Variants in PI4KA observed in about 807,000 individuals in gnomAD.
PI4KA encodes PI4-kinase alpha.
Under a neutral mutation model 271.4 loss-of-function variants are expected in PI4KA, and 122 were observed. The ratio of observed to expected loss-of-function variants is 0.45; its 90% CI spans 0.39 to 0.52. PI4KA has a LOEUF of 0.52. Among genes scored for constraint, PI4KA ranks in the 20% least tolerant of loss-of-function variants. The probability of loss-of-function intolerance (pLI) is 0.00; values close to 1 mark genes in which losing one functional copy is unlikely to be tolerated. For synonymous variants in PI4KA, 1,041 were observed against 1,078.8 expected (o/e 0.96, Z 0.69); for missense variants, 1,969 against 2,769.1 (o/e 0.71, Z 6.48).
chr22:20,799,808 C>A, intron 14 of PI4KA, 42 bp from the exon 15 acceptor site: 1 of 1,265,588 alleles, frequency 7.9e-7, no homozygotes, highest in South Asian at 1.4e-5. Context: ...GGCATCAAAC[C>A]AAGATAGGTT....
chr22:20,850,392 C>T (rs184079405), intron 1 of PI4KA, among the ~76,000 whole-genome samples: 200 of 151,844 alleles, frequency 1.3e-3, no homozygotes, highest in Admixed American at 3.0e-3. Context: ...ACTGTGGTGG[C>T]GCATGCTAAA....
chr22:20,842,075 G>A (rs945715612), intron 1 of PI4KA, among the ~76,000 whole-genome samples: 3 of 152,044 alleles, frequency 2.0e-5, no homozygotes, highest in African/African-American at 7.2e-5. Flanking sequence ...AATTAGCCGG[G>A]CATGGTGGCA....
intron 19 of PI4KA, chr22:20,779,435 G>C: frequency 6.2e-7 from 1 of 1,614,232 alleles, no homozygotes; most frequent in Non-Finnish European, 8.5e-7. Flanking sequence ...CAGATCCCCA[G>C]TGGGAGCAGT....
At position 20,858,786 on chromosome 22, in the gene PI4KA, C is replaced by A; in HGVS notation, c.-61G>T. On this transcript the variant is annotated 5_prime_UTR_variant, in exon 1 of 55. In the 5' UTR this introduces an upstream ATG that the reference lacks. Transcript: ENST00000255882. ...CGCTCCTGGCCCGCGAGCGCCCGAC[C>A]TCAGGGCGCAGGCGTAGGTGCATCC... 1.5e-6 allele frequency: 2 copies of A among 1,368,214 alleles called. No homozygotes were observed. The highest frequency in any genetic ancestry group is 3.0e-5 in the Admixed American group (1 of 33,104). The allele number at this position is 1,368,214 out of a possible 1,614,324, so 84.8% of individuals were successfully genotyped here. A position where few individuals can be genotyped will look rare whatever the true frequency, so the allele number is the denominator to read the frequency against.
At chr22:20,754,362 A>G (rs1931044823) in intron 23 of PI4KA, among the ~76,000 whole-genome samples, 1 of 152,230 alleles carries the variant, frequency 6.6e-6, no homozygotes, top group South Asian at 2.1e-4. Flanking sequence ...TGCTAGGATT[A>G]CAGGCGTGAG....
chr22:20,762,943 G>A (rs533597001), intron 22 of PI4KA, among the ~76,000 whole-genome samples: 8 of 144,224 alleles, frequency 5.5e-5, no homozygotes, highest in African/African-American at 2.1e-4. Context: ...CAACCCCCTT[G>A]CCTCAGTCTC....
At chr22:20,748,981 ATTTCCTT>A in intron 28 of PI4KA, among the ~76,000 whole-genome samples, 1 of 152,138 alleles carries the variant, frequency 6.6e-6, no homozygotes, top group African/African-American at 2.4e-5. Context: ...TTCATTTTCC[ATTTCCTT>A]CTTAGGCCAG....
chr22:20,841,236 G>A (rs754836839), intron 1 of PI4KA, among the ~76,000 whole-genome samples: 1 of 152,148 alleles, frequency 6.6e-6, no homozygotes, highest in Non-Finnish European at 1.5e-5. Flanking sequence ...CTCAGGCCAG[G>A]TGCTCTGGGT....
chr22:20,814,765 A>T (rs193045000), intron 7 of PI4KA, among the ~76,000 whole-genome samples: 351 of 150,894 alleles, frequency 2.3e-3, no homozygotes, highest in African/African-American at 8.3e-3. Context: ...AAAAAATGAC[A>T]TAGCAAATTT....
intron 16 of PI4KA, 159 bp downstream of exon 16, chr22:20,798,934 C>T (rs1275032607): frequency 1.5e-6 from 1 of 655,634 alleles, no homozygotes; most frequent in African/African-American, 1.8e-5. Context: ...CCAGCACTCA[C>T]AGCATCTTAC....
chr22:20,743,270 C>T (rs1340204769), intron 30 of PI4KA, among the ~76,000 whole-genome samples: 7 of 152,040 alleles, frequency 4.6e-5, no homozygotes, highest in Non-Finnish European at 2.9e-5. Context: ...CTCAGCCTCC[C>T]AAGTAGCTGG....
chr22:20,800,879 A>C (rs1251324356), intron 14 of PI4KA, among the ~76,000 whole-genome samples: 1 of 146,138 alleles, frequency 6.8e-6, no homozygotes, highest in Non-Finnish European at 1.5e-5. Context: ...GTCTCAAAAA[A>C]AAAAAAGGAA....
intron 19 of PI4KA, 92 bp downstream of exon 19, chr22:20,793,101 C>G (rs1331814251): frequency 6.0e-6 from 5 of 829,492 alleles, no homozygotes; most frequent in Non-Finnish European, 8.4e-6. Flanking sequence ...AACACTGCAC[C>G]TTTCTAAGGA....
intron 3 of PI4KA, among the ~76,000 whole-genome samples, chr22:20,832,116 CTTT>C (rs1350841437): frequency 6.8e-5 from 9 of 132,382 alleles, no homozygotes; most frequent in Admixed American, 2.3e-4. Context: ...TTTTGAAATT[CTTT>C]TTTTTTTTTT....
intron 13 of PI4KA, 95 bp from the exon 14 acceptor site, chr22:20,802,200 T>G (rs992026254): frequency 9.1e-7 from 1 of 1,100,694 alleles, no homozygotes; most frequent in Non-Finnish European, 1.3e-6. Flanking sequence ...TGCTGATCAT[T>G]TATAAAAGCA....
rs1043171976 is a variant in PI4KA at position 20,801,750 on chromosome 22, G to C, written c.1724+223C>G. Among the ~76,000 whole-genome samples the C allele has an allele frequency of 2.6e-5, 4 of 151,864 alleles. No individual in the cohort carries two copies. The South Asian group carries it at 8.3e-4, about 32-fold the overall frequency. On this transcript the variant is annotated intron_variant, in intron 14 of 54. Transcript: ENST00000255882. ...AATACAAAAATTAGCTGGGCGTGGT[G>C]GTGGGCGCCTGTAATCCCAGCTACT...
Position 20,713,303 on chromosome 22 carries a change from T to G in PI4KA, c.5549A>C (p.Lys1850Thr), listed in dbSNP as rs1434680280. 1.3e-6 allele frequency: 2 copies of G among 1,595,102 alleles called. No homozygotes were observed. The highest frequency in any genetic ancestry group is 1.7e-6 in the Non-Finnish European group (2 of 1,169,756). Residue 1850 changes from lysine to threonine, a missense_variant, in exon 48 of 55, where the codon AAG becomes ACG. By Grantham distance (78) the Lys-to-Thr change is moderately conservative. This residue lies in a region of PI4KA where 388 missense variants were observed against 521.5 expected (regional missense o/e 0.74). Transcript: ENST00000255882. ...QKISWQAAIF[K>T]VGDDCRQDML... is the part of the protein sequence containing the mutation. ...TACCTGCCGGCAGTCGTCTCCCACC[T>G]TGAAGATGGCTGCCTGCCAGGAGAT...
intron 1 of PI4KA, among the ~76,000 whole-genome samples, chr22:20,856,723 G>A (rs2147841978): frequency 6.6e-6 from 1 of 152,272 alleles, no homozygotes; most frequent in East Asian, 1.9e-4. Context: ...ATGAGCCACC[G>A]TGCCCCATCA....
chr22:20,750,123 A>C lies in PI4KA; in HGVS notation c.3154-129T>G, dbSNP rs968971635. The C allele has an allele frequency of 4.6e-6, 3 of 651,756 alleles. No individual in the cohort carries two copies. In the African/African-American group the frequency reaches 5.4e-5, roughly 12 times the overall value. 40.4% of individuals were successfully genotyped at this position (651,756 alleles called of 1,614,324 possible). A position where few individuals can be genotyped will look rare whatever the true frequency, so the allele number is the denominator to read the frequency against. ...GCGCCTTAACTGGTACCAGTACCTC[A>C]GAGTGGAACTCATTTGGAGATAGGG... On this transcript the variant is annotated intron_variant, in intron 27 of 54. Transcript: ENST00000255882.
Sources: allele counts gnomAD v4.1 joint callset (sites outside exome capture counted in the v4.1 genomes callset), GRCh38; gene constraint gnomAD v4.1.1; regional missense constraint gnomAD v4.1.1; transcripts MANE v1.5; gene names NCBI Gene and HGNC (gene_info 2026-07-23, HGNC 2026-07-21).